XPR1: variants seen among roughly 807,000 people sequenced by gnomAD.
XPR1 encodes solute carrier family 53 member 1.
Under a neutral mutation model 87.5 loss-of-function variants are expected in XPR1, and 28 were observed. The ratio of observed to expected loss-of-function variants is 0.32; its 90% confidence interval spans 0.24 to 0.44. The LOEUF is 0.44. XPR1 is among the 20% of genes least tolerant of loss of function. XPR1 has a pLI of 1.00. For synonymous variants in XPR1, 300 were observed against 306.1 expected (o/e 0.98, Z 0.21); for missense variants, 559 against 862.3 (o/e 0.65, Z 4.41).
At chr1:180,699,224 T>TC (rs943499496) in intron 2 of XPR1, among the ~76,000 whole-genome samples, 2 of 147,810 alleles carry the variant, frequency 1.4e-5, no homozygotes, top group African/African-American at 4.9e-5. Context: ...TTTTTTTTTT[T>TC]TTATTATACT....
intron 1 of XPR1, among the ~76,000 whole-genome samples, chr1:180,632,653 GT>G (rs987292769): frequency 6.6e-6 from 1 of 152,232 alleles, no homozygotes. Context: ...CTGACCTCTC[GT>G]CCCCACCCTG....
At chr1:180,754,949 T>A (rs1047749975) in intron 2 of XPR1, among the ~76,000 whole-genome samples, 1 of 152,016 alleles carries the variant, frequency 6.6e-6, no homozygotes, top group African/African-American at 2.4e-5. Context: ...TGGGGGTGGG[T>A]CACTGCAACC....
chr1:180,806,989 A>T (rs2102124112), intron 6 of XPR1, among the ~76,000 whole-genome samples: 1 of 152,320 alleles, frequency 6.6e-6, no homozygotes, highest in South Asian at 2.1e-4. Flanking sequence ...ATATAGAAGG[A>T]TTTAAGTCAT....
chr1:180,725,101 A>T (rs770113058), intron 2 of XPR1, among the ~76,000 whole-genome samples: 3 of 152,340 alleles, frequency 2.0e-5, no homozygotes, highest in East Asian at 1.9e-4. Flanking sequence ...TATCGTACAC[A>T]TTCAAAGTGT....
At chr1:180,657,391 C>T (rs1190964957) in intron 1 of XPR1, among the ~76,000 whole-genome samples, 1 of 152,084 alleles carries the variant, frequency 6.6e-6, no homozygotes, top group African/African-American at 2.4e-5. Context: ...AGACTTTCCT[C>T]AGTGTTTTCT....
In XPR1 at chr1:180,873,279, C is replaced by T. The variant is rs558000762; in HGVS notation, c.1669-524C>T. Among the ~76,000 whole-genome samples the T allele has an allele frequency of 2.0e-4, 31 of 152,296 alleles. No homozygotes were observed. In the South Asian group the frequency reaches 3.5e-3, roughly 17 times the overall value. ...CCGTCTTCCCCATGTAAAAATAGAA[C>T]ATTTCTTAAATTCAACCACGGTTGT... On this transcript the variant is annotated intron_variant, in intron 12 of 14. Transcript: ENST00000367590.
In XPR1 at chr1:180,825,159, T is replaced by C; in HGVS notation, c.955-6T>C. The C allele has an allele frequency of 6.9e-6, 11 of 1,599,464 alleles. No homozygotes were observed. Among genetic ancestry groups the C allele is most frequent in the African/African-American group, 6.7e-5 (5 of 74,142 alleles). ...CTATCTTTCTGTCTTCCCCATCCTT[T>C]ACTAGATTGCTGGATTCCTCGGGAT... On this transcript the variant is annotated splice_region_variant and splice_polypyrimidine_tract_variant and intron_variant, in intron 8 of 14. Transcript: ENST00000367590.
chr1:180,656,357 ATATATATAATATT>A lies in XPR1; in HGVS notation c.69+24101_69+24113del, dbSNP rs1383591658. Among the ~76,000 whole-genome samples, 6 of 106,050 alleles carry A rather than the reference ATATATATAATATT, an allele frequency of 5.7e-5. No homozygotes were observed. The East Asian group carries it at 7.4e-4, about 13-fold the overall frequency. 69.6% of individuals were successfully genotyped at this position (106,050 alleles called of 152,430 possible). A position where few individuals can be genotyped will look rare whatever the true frequency, so the allele number is the denominator to read the frequency against. On this transcript the variant is annotated intron_variant, in intron 1 of 14. Transcript: ENST00000367590. ...TATAATATTTATATATTTAATATTT[ATATATATAATATT>A]TATATATAATATTCATGTATTTATA...
At chr1:180,675,053 T>C (rs1656320771) in intron 1 of XPR1, among the ~76,000 whole-genome samples, 1 of 152,200 alleles carries the variant, frequency 6.6e-6, no homozygotes, top group Non-Finnish European at 1.5e-5. Flanking sequence ...TTTGTTCTAG[T>C]TTACATTTAT....
At chr1:180,726,509 CAGTTCTGTTTCTTATAA>C (rs1374620340) in intron 2 of XPR1, among the ~76,000 whole-genome samples, 1 of 152,246 alleles carries the variant, frequency 6.6e-6, no homozygotes, top group Admixed American at 6.5e-5. Flanking sequence ...ACTCCGGACA[CAGTTCTGTTTCTTATAA>C]GCCAGCAGTT....
At chr1:180,776,074 C>T (rs927912939) in intron 2 of XPR1, among the ~76,000 whole-genome samples, 2 of 152,108 alleles carry the variant, frequency 1.3e-5, no homozygotes, top group Admixed American at 6.5e-5. Flanking sequence ...TACTCAAATA[C>T]TCATTGTAGG....
At chr1:180,816,983 C>T (rs1300044937) in intron 7 of XPR1, among the ~76,000 whole-genome samples, 1 of 152,024 alleles carries the variant, frequency 6.6e-6, no homozygotes, top group Non-Finnish European at 1.5e-5. Context: ...GAAGACCTTC[C>T]AGTGGGAGAA....
At chr1:180,769,655 C>T (rs1261311409) in intron 2 of XPR1, among the ~76,000 whole-genome samples, 7 of 152,164 alleles carry the variant, frequency 4.6e-5, no homozygotes, top group African/African-American at 1.4e-4. Flanking sequence ...ATTGTGTATA[C>T]GTACCACATT....
chr1:180,725,211 C>T (rs1489965006), intron 2 of XPR1, among the ~76,000 whole-genome samples: 2 of 152,102 alleles, frequency 1.3e-5, no homozygotes, highest in African/African-American at 2.4e-5. Flanking sequence ...TTTATTGTAG[C>T]ATCATTTTAG....
chr1:180,638,449 A>AGACTTCAC (rs1654857649), intron 1 of XPR1, among the ~76,000 whole-genome samples: 1 of 152,126 alleles, frequency 6.6e-6, no homozygotes, highest in South Asian at 2.1e-4. Context: ...AGAGAGTGTC[A>AGACTTCAC]GACTTCACCA....
chr1:180,710,449 T>C (rs1399555542), intron 2 of XPR1, among the ~76,000 whole-genome samples: 5 of 152,102 alleles, frequency 3.3e-5, no homozygotes, highest in African/African-American at 4.8e-5. Context: ...AAAGCACATA[T>C]TGCGCCGCCC....
In XPR1 at chr1:180,855,463, G is replaced by A. The variant is rs544706674; in HGVS notation, c.1502-8245G>A. ...GGGCAGATTATGAGGTCAGGAGATC[G>A]AGACCAGCCTGGCCAACATGGTGAA... is the stretch of plus-strand genomic sequence containing the variant. On this transcript the variant is annotated intron_variant, in intron 11 of 14. Transcript: ENST00000367590. 4.6e-5 allele frequency among the ~76,000 whole-genome samples: 7 copies of A among 152,132 alleles called. No homozygotes were observed. The South Asian group carries it at 1.2e-3, about 27-fold the overall frequency.
intron 1 of XPR1, among the ~76,000 whole-genome samples, chr1:180,651,232 C>A (rs983955492): frequency 1.3e-5 from 2 of 152,068 alleles, no homozygotes; most frequent in South Asian, 4.1e-4. Context: ...GCTGGGATTA[C>A]GGGTGCCCGC....
chr1:180,728,455 A>G (rs1658436489), intron 2 of XPR1, among the ~76,000 whole-genome samples: 1 of 152,216 alleles, frequency 6.6e-6, no homozygotes, highest in African/African-American at 2.4e-5. Flanking sequence ...GGTGATATTT[A>G]TCCTCAAAGT....
Sources: allele counts gnomAD v4.1 joint callset (sites outside exome capture counted in the v4.1 genomes callset), GRCh38; gene constraint gnomAD v4.1.1; transcripts MANE v1.5; gene names NCBI Gene and HGNC (gene_info 2026-07-23, HGNC 2026-07-21).